The following EDEM3 variants were observed in gnomAD, a reference collection of about 807,000 sequenced individuals.
EDEM3 encodes the protein ER degradation enhancing alpha-mannosidase like protein 3, also known as ER degradation-enhancing alpha-mannosidase-like protein 3.
A neutral mutation model predicts 110.2 loss-of-function variants in EDEM3; 60 were observed. That is an observed-to-expected ratio of 0.54 (90% CI 0.44 to 0.67). EDEM3 has a LOEUF of 0.67. Among genes scored for constraint, EDEM3 ranks in the 30% least tolerant of loss-of-function variants. The pLI, the probability that EDEM3 is intolerant of heterozygous loss-of-function variation, is 0.00. For missense variants in EDEM3, 996 were observed against 1,121.0 expected, an observed-to-expected ratio of 0.89 and a Z score of 1.59; for synonymous variants, 352 against 382.9, an observed-to-expected ratio of 0.92 and a Z score of 0.94.
chr1:184,717,250 G>GAAATTT (rs1369262208), intron 12 of EDEM3, among the ~76,000 whole-genome samples: 1 of 151,932 alleles, frequency 6.6e-6, no homozygotes, highest in Admixed American at 6.6e-5. Context: ...CTAATGCTCA[G>GAAATTT]AAAGGCTGCC....
chr1:184,712,659 T>G, intron 13 of EDEM3, 61 bp from the exon 14 acceptor site: 1 of 1,170,504 alleles, frequency 8.5e-7, no homozygotes, highest in East Asian at 2.7e-5. Flanking sequence ...GCCAACTATA[T>G]GAAAGCCATA....
intron 19 of EDEM3, among the ~76,000 whole-genome samples, chr1:184,699,965 G>A (rs1448877171): frequency 1.3e-5 from 2 of 151,764 alleles, no homozygotes; most frequent in Non-Finnish European, 2.9e-5. Flanking sequence ...TTTTGTTTGT[G>A]GGCACACGGT....
chr1:184,717,455 A>G, intron 12 of EDEM3, 85 bp downstream of exon 12: 1 of 1,103,476 alleles, frequency 9.1e-7, no homozygotes, highest in Non-Finnish European at 1.3e-6. Context: ...GGGACTCTGA[A>G]AACCCAATTA....
chr1:184,710,858 A>G (rs1650188528), intron 15 of EDEM3, among the ~76,000 whole-genome samples: 1 of 152,202 alleles, frequency 6.6e-6, no homozygotes. Flanking sequence ...TTATCCTTTA[A>G]AAACACAGAT....
chr1:184,738,923 T>C (rs2102121560), intron 2 of EDEM3, among the ~76,000 whole-genome samples: 1 of 152,294 alleles, frequency 6.6e-6, no homozygotes, highest in East Asian at 1.9e-4. Context: ...TCAAGCATGC[T>C]TAAAAGGATA....
intron 18 of EDEM3, among the ~76,000 whole-genome samples, chr1:184,703,699 G>A (rs1279691722): frequency 1.3e-5 from 2 of 152,198 alleles, no homozygotes; most frequent in Admixed American, 1.3e-4. Flanking sequence ...TATCTGTCCT[G>A]TCTCAGGGTG....
In EDEM3 at chr1:184,754,508, C is replaced by T. The variant is rs762312178; in HGVS notation, c.139G>A (p.Glu47Lys). The T allele has an allele frequency of 6.0e-5, 97 of 1,613,240 alleles. No individual in the cohort carries two copies. Among genetic ancestry groups the T allele is most frequent in the Non-Finnish European group, 8.1e-5 (95 of 1,179,842 alleles). Reference sequence around the variant, plus strand: ...CCTTACCCAAGCTTCTGTTTCTCCTCCCTACTCATGGGCTCGGCCCCCGCC... The same window carrying T: ...CCTTACCCAAGCTTCTGTTTCTCCTTCCTACTCATGGGCTCGGCCCCCGCC... ...WTAGAEPMSR[E>K]EKQKLGNQVL... The change falls in exon 1 of 20, where the codon GAG becomes AAG. Residue 47 changes from glutamate (E) to lysine (K), a missense_variant. Glu to Lys is a moderately conservative substitution (Grantham distance 56). Around this residue, in one of 5 missense-constraint regions of EDEM3, gnomAD observed 200 missense variants for 183.8 expected, o/e 1.09. Transcript: ENST00000318130.
intron 14 of EDEM3, 119 bp from the exon 15 acceptor site, chr1:184,711,996 T>G: frequency 9.7e-6 from 7 of 722,784 alleles, no homozygotes; most frequent in South Asian, 2.2e-5. Flanking sequence ...GCGTAATCTC[T>G]GCTCACTGTA....
rs149798823 is a variant in EDEM3, at chr1:184,722,987, T to C, written c.853+764A>G. On this transcript the variant is annotated intron_variant, in intron 8 of 19. Transcript: ENST00000318130. Reference sequence around the variant, plus strand: ...TTTAATAACAATATTCCAACGCTGATGTAAAATAATTTTCTTAGCTTTTTT... The same window carrying C: ...TTTAATAACAATATTCCAACGCTGACGTAAAATAATTTTCTTAGCTTTTTT... 3.3e-5 allele frequency among the ~76,000 whole-genome samples: 5 copies of C among 151,984 alleles called. No homozygotes were observed. In the South Asian group the frequency reaches 1.0e-3, roughly 31 times the overall value.
At chr1:184,715,743 T>C (rs549151694) in intron 13 of EDEM3, among the ~76,000 whole-genome samples, 1 of 152,324 alleles carries the variant, frequency 6.6e-6, no homozygotes, top group African/African-American at 2.4e-5. Flanking sequence ...CTTAGAAGAC[T>C]GTCTGGAGTA....
At chr1:184,700,170 C>T (rs1448245372) in intron 19 of EDEM3, among the ~76,000 whole-genome samples, 3 of 151,916 alleles carry the variant, frequency 2.0e-5, no homozygotes, top group Middle Eastern at 3.4e-3. Context: ...ATTAAGATGA[C>T]CAGAAAATTT....
intron 1 of EDEM3, among the ~76,000 whole-genome samples, chr1:184,752,551 A>T (rs577889264): frequency 1.3e-5 from 2 of 152,356 alleles, no homozygotes; most frequent in East Asian, 3.9e-4. Context: ...AATGATCTCA[A>T]AATTTGAGCT....
intron 2 of EDEM3, among the ~76,000 whole-genome samples, chr1:184,740,591 C>T (rs964691768): frequency 2.6e-5 from 4 of 152,218 alleles, no homozygotes; most frequent in Admixed American, 2.6e-4. Flanking sequence ...TATGTTGCCT[C>T]CTAGTCGCCC....
chr1:184,737,027 C>T lies in EDEM3; in HGVS notation c.343G>A (p.Val115Met). 1 of 1,611,952 alleles carries T rather than the reference C, an allele frequency of 6.2e-7. No individual in the cohort carries two copies. The highest frequency in any genetic ancestry group is 1.1e-5 in the South Asian group (1 of 91,004). ...LTLIDSLDTL[V>M]VLNKTKEFED... ...AATCCAAGAAGAGTCAAACCTACCA[C>T]AAGAGTGTCCAAAGAATCAATCAGT... Residue 115 changes from valine to methionine, a missense_variant and splice_region_variant, in exon 4 of 20, where the codon GTG (valine) becomes ATG (methionine). Coordinates refer to ENST00000318130, the MANE Select transcript of EDEM3 (RefSeq NM_025191.4).
intron 2 of EDEM3, among the ~76,000 whole-genome samples, chr1:184,739,396 A>C (rs537351961): frequency 1.2e-4 from 18 of 150,520 alleles, no homozygotes; most frequent in Non-Finnish European, 2.4e-4. Flanking sequence ...TTATCATTAA[A>C]ATCAATAAAC....
chr1:184,710,269 A>T, intron 16 of EDEM3, 125 bp downstream of exon 16: 1 of 1,165,916 alleles, frequency 8.6e-7, no homozygotes, highest in Non-Finnish European at 1.2e-6. Context: ...TAAAATTCTC[A>T]TTCTCTCACT....
intron 2 of EDEM3, among the ~76,000 whole-genome samples, chr1:184,744,030 A>G (rs1163118488): frequency 1.3e-5 from 2 of 151,658 alleles, no homozygotes; most frequent in African/African-American, 4.8e-5. Flanking sequence ...CTAGGCAAAT[A>G]TTTTTTAGGT....
At chr1:184,701,967 C>T (rs918026639) in intron 19 of EDEM3, among the ~76,000 whole-genome samples, 1 of 152,004 alleles carries the variant, frequency 6.6e-6, no homozygotes. Flanking sequence ...ATCTGTCAAA[C>T]ACCCCAGGGG....
At chr1:184,719,747 G>C (rs1489617585) in intron 9 of EDEM3, among the ~76,000 whole-genome samples, 179 bp from the exon 10 acceptor site, 1 of 152,110 alleles carries the variant, frequency 6.6e-6, no homozygotes, top group Admixed American at 6.5e-5. Context: ...AAATATATAT[G>C]TACTCCTTTA....
Sources: gnomAD v4.1 joint callset for allele counts (sites outside exome capture counted in the v4.1 genomes callset) on GRCh38, gnomAD v4.1.1 for gene constraint, gnomAD v4.1.1 regional missense constraint, MANE v1.5 for transcripts, NCBI Gene and HGNC (gene_info 2026-07-23, HGNC 2026-07-21) for gene names.